The following ADA2 variants were observed in gnomAD, a reference collection of about 807,000 sequenced individuals.
ADA2 encodes adenosine deaminase 2.
ADA2 carries 29 observed loss-of-function variants against 44.2 expected under a neutral mutation model. The observed-to-expected ratio is 0.66, with a 90% confidence interval of 0.49 to 0.89. ADA2 has a LOEUF of 0.89. Ranked by LOEUF, ADA2 falls within the 40% of genes least tolerant of loss-of-function variation. ADA2 has a pLI of 0.00. For synonymous variants in ADA2, 215 were observed against 234.9 expected, an observed-to-expected ratio of 0.92 and a Z score of 0.77; for missense variants, 637 against 644.8, an observed-to-expected ratio of 0.99 and a Z score of 0.13.
At position 17,207,137 on chromosome 22, in the gene ADA2, C is replaced by T. The variant is rs774636844; in HGVS notation, c.476G>A (p.Cys159Tyr). ...ATCCTCCAGCAGAATCCACTTGGAA[C>T]ATTTTTCTGATGGACGGGGAGTTGG... is the stretch of plus-strand genomic sequence containing the variant. ...AHPTPRPSEK[C>Y]SKWILLEDYR... The change falls in exon 3 of 10, where the codon TGT becomes TAT. Residue 159 changes from cysteine to tyrosine, a missense_variant. By Grantham distance (194) the Cys-to-Tyr change is radical. Coordinates refer to ENST00000399837, the MANE Select transcript of ADA2 (RefSeq NM_001282225.2). The T allele has an allele frequency of 1.9e-6, 3 of 1,614,248 alleles. No individual in the cohort carries two copies. The highest frequency in any genetic ancestry group is 2.5e-6 in the Non-Finnish European group (3 of 1,180,042).
intron 1 of ADA2, among the ~76,000 whole-genome samples, chr22:17,212,351 G>A (rs565477286): frequency 2.0e-5 from 3 of 151,696 alleles, no homozygotes; most frequent in South Asian, 2.1e-4. Context: ...TGCAATCTCC[G>A]TCTCCCTGGT....
chr22:17,209,275 A>G, intron 2 of ADA2, 81 bp downstream of exon 2: 1 of 1,167,222 alleles, frequency 8.6e-7, no homozygotes. Flanking sequence ...TAGAATAGCA[A>G]CAGCCACAAG....
chr22:17,201,175 C>T (rs1444614723), intron 4 of ADA2, among the ~76,000 whole-genome samples: 1 of 151,446 alleles, frequency 6.6e-6, no homozygotes, highest in Non-Finnish European at 1.5e-5. Context: ...TACCACTACA[C>T]TCCAGCCTGG....
intron 6 of ADA2, 48 bp from the exon 7 acceptor site, chr22:17,188,495 A>C: frequency 1.5e-6 from 2 of 1,341,064 alleles, no homozygotes; most frequent in South Asian, 1.2e-5. Flanking sequence ...CGCATGCCTC[A>C]CTTGCTGATG....
At chr22:17,182,454 T>G in intron 8 of ADA2, 150 bp downstream of exon 8, 1 of 826,802 alleles carries the variant, frequency 1.2e-6, no homozygotes, top group Non-Finnish European at 2.0e-6. Context: ...AGGCCCCTCC[T>G]GAATAACTTT....
intron 2 of ADA2, among the ~76,000 whole-genome samples, 198 bp downstream of exon 2, chr22:17,209,158 T>G (rs1389720540): frequency 6.6e-6 from 1 of 152,084 alleles, no homozygotes; most frequent in Non-Finnish European, 1.5e-5. Flanking sequence ...CCTGACTGTC[T>G]GCGAGTCCCC....
At chr22:17,209,896 T>G (rs2062400089) in intron 1 of ADA2, 173 bp from the exon 2 acceptor site, 2 of 532,992 alleles carry the variant, frequency 3.8e-6, no homozygotes. Flanking sequence ...CCAATTTTTT[T>G]TTTTTTTTTT....
chr22:17,202,520 G>C (rs1437903188), intron 4 of ADA2, among the ~76,000 whole-genome samples: 1 of 152,098 alleles, frequency 6.6e-6, no homozygotes, highest in African/African-American at 2.4e-5. Flanking sequence ...ACCAGCCTTA[G>C]CCTCCCAAAG....
chr22:17,189,334 G>T (rs5992636), intron 6 of ADA2, among the ~76,000 whole-genome samples: 6,063 of 152,160 alleles, frequency 0.04, 263 homozygotes, highest in African/African-American at 0.11. Context: ...AGATTGCCGA[G>T]CTGTCACCTA....
At chr22:17,199,663 G>C (rs1257583795) in intron 4 of ADA2, 3 of 1,610,398 alleles carry the variant, frequency 1.9e-6, no homozygotes, top group Admixed American at 1.7e-5. Context: ...GACGCTCAGA[G>C]AGCCCAGCGC....
chr22:17,182,850 C>T (rs1353619345), intron 7 of ADA2, 89 bp from the exon 8 acceptor site: 3 of 1,415,246 alleles, frequency 2.1e-6, no homozygotes, highest in Non-Finnish European at 1.9e-6. Flanking sequence ...CGCCCCCCGA[C>T]CATCCTCAAA....
chr22:17,216,377 G>GA (rs1209062000), intron 1 of ADA2, among the ~76,000 whole-genome samples: 4,940 of 142,950 alleles, frequency 0.035, 265 homozygotes, highest in African/African-American at 0.12. Context: ...CCACTCCCAG[G>GA]AAAAAAAAAA....
intron 1 of ADA2, among the ~76,000 whole-genome samples, chr22:17,216,451 A>G (rs891781462): frequency 3.9e-5 from 6 of 151,994 alleles, no homozygotes; most frequent in Admixed American, 1.3e-4. Context: ...GACTATACTT[A>G]GCAATAATAT....
chr22:17,181,620 T>TGGGGAACGGGGCAGGGAGC (rs1188354378), intron 9 of ADA2, 44 bp from the exon 10 acceptor site: 4 of 1,401,106 alleles, frequency 2.9e-6, no homozygotes, highest in Non-Finnish European at 4.1e-6. Flanking sequence ...GGGCAGGGGT[T>TGGGGAACGGGGCAGGGAGC]GGGGAACGGG....
intron 7 of ADA2, among the ~76,000 whole-genome samples, chr22:17,186,023 C>A (rs2062031607): frequency 6.6e-6 from 1 of 152,128 alleles, no homozygotes; most frequent in African/African-American, 2.4e-5. Context: ...TGAGCGAGCC[C>A]AAGGATGGAG....
rs368222628 is a variant in ADA2 at position 17,190,068 on chromosome 22, C to T, written c.882-36G>A. On this transcript the variant is annotated intron_variant, in intron 5 of 9. Coordinates refer to ENST00000399837, the MANE Select transcript of ADA2 (RefSeq NM_001282225.2). ...GACAGAGAAGCCAGGAGACAGTGCC[C>T]AGCACCGACAGAGCACAAACCCCAG... 6 of 1,485,212 alleles carry T rather than the reference C, an allele frequency of 4.0e-6. No individual in the cohort carries two copies. The African/African-American group carries it at 8.3e-5, about 21-fold the overall frequency. The allele number at this position is 1,485,212 out of a possible 1,614,324, so 92.0% of individuals were successfully genotyped here. A position where few individuals can be genotyped will look rare whatever the true frequency, so the allele number is the denominator to read the frequency against.
At chr22:17,188,853 T>A (rs1247651040) in intron 6 of ADA2, 1 of 16,556 alleles carries the variant, frequency 6.0e-5, no homozygotes, top group African/African-American at 1.5e-4. Context: ...CACTACAGCC[T>A]GGCCAAGAGC....
intron 4 of ADA2, among the ~76,000 whole-genome samples, chr22:17,194,019 G>GAAAAAAAAAA (rs34572644): frequency 3.3e-5 from 4 of 123,038 alleles, no homozygotes; most frequent in Non-Finnish European, 5.1e-5. Context: ...AAAAAGGAAT[G>GAAAAAAAAAA]AAAAAAAAAA....
intron 4 of ADA2, among the ~76,000 whole-genome samples, chr22:17,200,694 C>G (rs974437917): frequency 1.3e-5 from 2 of 151,962 alleles, no homozygotes; most frequent in Non-Finnish European, 2.9e-5. Context: ...CCAGCCTAGC[C>G]AACATGGTAA....
Sources: allele counts gnomAD v4.1 joint callset (sites outside exome capture counted in the v4.1 genomes callset), GRCh38; gene constraint gnomAD v4.1.1; transcripts MANE v1.5; gene names NCBI Gene and HGNC (gene_info 2026-07-23, HGNC 2026-07-21).